TNNI3K: variants seen among roughly 807,000 people sequenced by gnomAD.
The protein encoded by TNNI3K is TNNI3 interacting kinase.
TNNI3K carries 140 observed loss-of-function variants against 114.5 expected under a neutral mutation model. The observed-to-expected ratio is 1.22, with a 90% CI of 1.07 to 1.41. The LOEUF (loss-of-function observed/expected upper bound fraction) is 1.41, where lower values mean the gene tolerates loss of function less well. Ranked by LOEUF, TNNI3K falls within the 40% of genes most tolerant of loss-of-function variation. The pLI is 0.00. For missense variants in TNNI3K, 1,125 were observed against 1,007.6 expected (o/e 1.12, Z -1.58); for synonymous variants, 347 against 347.5 (o/e 1.00, Z 0.02).
chr1:74,444,040 C>T (rs1666511572), intron 20 of TNNI3K, among the ~76,000 whole-genome samples: 1 of 152,106 alleles, frequency 6.6e-6, no homozygotes, highest in African/African-American at 2.4e-5. Context: ...ATGACATACC[C>T]ACAGCGAATA....
chr1:74,330,772 C>T lies in TNNI3K; in HGVS notation c.445-678C>T, dbSNP rs77606639. 6.3e-3 allele frequency among the ~76,000 whole-genome samples: 961 copies of T among 152,198 alleles called. 11 individuals are homozygous for T. Among genetic ancestry groups the T allele is most frequent in the African/African-American group, 0.022 (920 of 41,522 alleles). ...GCTTTCCATGATGACAATTGGCCAA[C>T]AGTTCCTGGTAGGGTTTTTCATTTG... On this transcript the variant is annotated intron_variant, in intron 5 of 24. Transcript: ENST00000326637.
At chr1:74,478,378 T>G (rs548086378) in intron 21 of TNNI3K, among the ~76,000 whole-genome samples, 41 of 152,318 alleles carry the variant, frequency 2.7e-4, no homozygotes, top group African/African-American at 9.6e-4. Context: ...GACAAAACTT[T>G]TGGAATCTTC....
intron 20 of TNNI3K, 46 bp downstream of exon 20, chr1:74,439,668 T>C (rs749352035): frequency 6.9e-6 from 11 of 1,596,840 alleles, no homozygotes; most frequent in Non-Finnish European, 9.4e-6. Context: ...CAGAGTTCAC[T>C]GGATTTTTAT....
chr1:74,481,075 G>T (rs931798817), intron 21 of TNNI3K: 5 of 591,418 alleles, frequency 8.5e-6, no homozygotes, highest in Non-Finnish European at 1.5e-5. Context: ...TTATCACCTG[G>T]GTAAAAACAA....
chr1:74,359,208 T>C (rs764580746), intron 11 of TNNI3K, among the ~76,000 whole-genome samples: 3 of 151,974 alleles, frequency 2.0e-5, no homozygotes, highest in Non-Finnish European at 2.9e-5. Flanking sequence ...TACCCTCAAA[T>C]TCAAAATGAG....
intron 9 of TNNI3K, 100 bp from the exon 10 acceptor site, chr1:74,353,166 T>C: frequency 8.1e-7 from 1 of 1,231,306 alleles, no homozygotes; most frequent in Non-Finnish European, 1.1e-6. Context: ...ATGGGGGTTA[T>C]AACTTCAGCA....
chr1:74,263,411 A>C (rs184773320), intron 4 of TNNI3K, among the ~76,000 whole-genome samples: 1 of 152,166 alleles, frequency 6.6e-6, no homozygotes, highest in African/African-American at 2.4e-5. Context: ...CTGAGTGCTT[A>C]GAACAACGCT....
At chr1:74,276,935 A>G (rs892218902) in intron 5 of TNNI3K, among the ~76,000 whole-genome samples, 1 of 152,128 alleles carries the variant, frequency 6.6e-6, no homozygotes, top group African/African-American at 2.4e-5. Context: ...AGAGTAGGCA[A>G]ATATTAGTTG....
intron 20 of TNNI3K, among the ~76,000 whole-genome samples, chr1:74,455,820 C>T (rs1404918048): frequency 1.3e-5 from 2 of 152,186 alleles, no homozygotes; most frequent in African/African-American, 4.8e-5. Context: ...TGCCTGCCCA[C>T]ATTGGTGAGG....
intron 23 of TNNI3K, among the ~76,000 whole-genome samples, chr1:74,538,122 T>C (rs1183530312): frequency 6.6e-6 from 1 of 152,110 alleles, no homozygotes; most frequent in Non-Finnish European, 1.5e-5. Context: ...TTCAAGCAGT[T>C]GAGAGTGCTC....
chr1:74,385,423 A>G (rs541487205), intron 17 of TNNI3K, among the ~76,000 whole-genome samples: 1 of 152,316 alleles, frequency 6.6e-6, no homozygotes, highest in Admixed American at 6.5e-5. Flanking sequence ...CATGGGTGGT[A>G]AATACAAAAA....
intron 9 of TNNI3K, among the ~76,000 whole-genome samples, 157 bp downstream of exon 9, chr1:74,343,336 A>G (rs796133877): frequency 3.3e-5 from 5 of 152,328 alleles, no homozygotes; most frequent in African/African-American, 9.6e-5. Flanking sequence ...AGCTAGATGC[A>G]TGGAAGAAAA....
At chr1:74,495,976 C>T (rs1366662931) in intron 23 of TNNI3K, among the ~76,000 whole-genome samples, 1 of 152,106 alleles carries the variant, frequency 6.6e-6, no homozygotes, top group African/African-American at 2.4e-5. Flanking sequence ...GGACTAAGTA[C>T]AGGAGGGCCA....
At chr1:74,465,727 G>A (rs1667650096) in intron 21 of TNNI3K, among the ~76,000 whole-genome samples, 1 of 152,238 alleles carries the variant, frequency 6.6e-6, no homozygotes, top group Non-Finnish European at 1.5e-5. Flanking sequence ...CTCCTGTGTG[G>A]GGTGGGGTCT....
At chr1:74,462,278 G>C (rs1237224774) in intron 20 of TNNI3K, among the ~76,000 whole-genome samples, 1 of 152,168 alleles carries the variant, frequency 6.6e-6, no homozygotes, top group Non-Finnish European at 1.5e-5. Flanking sequence ...TTTGATGGGA[G>C]TAAATTTTGG....
In TNNI3K at chr1:74,292,193, C is replaced by T. The variant is rs1261105002; in HGVS notation, c.444+20485C>T. Among the ~76,000 whole-genome samples, 4 of 151,214 alleles carry T rather than the reference C, an allele frequency of 2.6e-5. No individual in the cohort carries two copies. In the East Asian group the frequency reaches 5.8e-4, roughly 22 times the overall value. On this transcript the variant is annotated intron_variant, in intron 5 of 24. Coordinates refer to ENST00000326637, the MANE Select transcript of TNNI3K (RefSeq NM_015978.3). ...GTCTTTGCAAAGAACCAACTTCTGGCTTTGTTGAATTTCTCTAGTATTATA... is the reference window on the plus strand; with the variant it reads ...GTCTTTGCAAAGAACCAACTTCTGGTTTTGTTGAATTTCTCTAGTATTATA...
intron 5 of TNNI3K, among the ~76,000 whole-genome samples, chr1:74,331,213 A>G (rs1221094470): frequency 6.6e-6 from 1 of 152,206 alleles, no homozygotes; most frequent in Non-Finnish European, 1.5e-5. Context: ...AATGAGAAAT[A>G]CATTTAAAAC....
chr1:74,472,529 A>G (rs549759363), intron 21 of TNNI3K, among the ~76,000 whole-genome samples: 15 of 152,282 alleles, frequency 9.9e-5, no homozygotes, highest in African/African-American at 3.6e-4. Flanking sequence ...AATCCTTTGT[A>G]AATGGCTATA....
chr1:74,523,481 C>T (rs558256964), intron 23 of TNNI3K, among the ~76,000 whole-genome samples: 2 of 150,224 alleles, frequency 1.3e-5, no homozygotes, highest in East Asian at 4.0e-4. Context: ...AAAGCAACAA[C>T]AAGAAAGAGA....
Sources: gnomAD v4.1 joint callset for allele counts (sites outside exome capture counted in the v4.1 genomes callset) on GRCh38, gnomAD v4.1.1 for gene constraint, MANE v1.5 for transcripts, NCBI Gene and HGNC (gene_info 2026-07-23, HGNC 2026-07-21) for gene names.